Variants in MCU observed in about 807,000 individuals in gnomAD.
MCU encodes mitochondrial calcium uniporter.
MCU carries 12 observed loss-of-function variants against 45.2 expected under a neutral mutation model. That is an observed-to-expected ratio of 0.27 (90% confidence interval 0.17 to 0.43). The LOEUF is 0.43. MCU is among the 20% of genes least tolerant of loss of function. MCU has a pLI of 1.00. For missense variants in MCU, 324 were observed against 436.7 expected (o/e 0.74, Z 2.30); for synonymous variants, 160 against 165.1 (o/e 0.97, Z 0.24).
chr10:72,811,554 A>G (rs142264265), intron 1 of MCU, among the ~76,000 whole-genome samples: 11 of 152,290 alleles, frequency 7.2e-5, no homozygotes, highest in Non-Finnish European at 8.8e-5. Flanking sequence ...CAGCTACTCA[A>G]TCTCTCTTTG....
At chr10:72,802,620 C>T (rs989490454) in intron 1 of MCU, among the ~76,000 whole-genome samples, 2 of 152,154 alleles carry the variant, frequency 1.3e-5, no homozygotes, top group African/African-American at 4.8e-5. Context: ...CAGAGCCTGC[C>T]TTGCTGAAAT....
chr10:72,859,153 T>A, intron 2 of MCU, 24 bp from the exon 3 acceptor site: 1 of 1,539,708 alleles, frequency 6.5e-7, no homozygotes, highest in Non-Finnish European at 8.8e-7. Context: ...AATTATCATA[T>A]GTTTGTGGGT....
Position 72,862,584 on chromosome 10 carries a change from C to T in MCU, c.496+2057C>T, listed in dbSNP as rs114321747. On this transcript the variant is annotated intron_variant, in intron 4 of 7. Coordinates refer to ENST00000373053, the MANE Select transcript of MCU (RefSeq NM_138357.3). ...GCACAATTTACAATAGGGTTTGTGC[C>T]CTATGAGATCTAATGCTGCTGCTGA... Among the ~76,000 whole-genome samples, 906 of 152,198 alleles carry T rather than the reference C, an allele frequency of 6.0e-3. 12 individuals carry two copies. The highest frequency in any genetic ancestry group is 0.021 in the African/African-American group (854 of 41,524).
chr10:72,692,868 C>T (rs1564530329), intron 1 of MCU: 4 of 1,443,036 alleles, frequency 2.8e-6, no homozygotes, highest in Admixed American at 5.4e-5. Flanking sequence ...ACTTTATTCC[C>T]CTCTGTGACT....
At chr10:72,788,664 G>A (rs550908849) in intron 1 of MCU, among the ~76,000 whole-genome samples, 1 of 152,274 alleles carries the variant, frequency 6.6e-6, no homozygotes, top group South Asian at 2.1e-4. Flanking sequence ...CCACAAACTA[G>A]TGATGAGTAA....
Position 72,886,082 on chromosome 10 carries a change from A to G in MCU, c.*260A>G, listed in dbSNP as rs1470745089. The G allele has an allele frequency of 1.4e-5, 5 of 369,296 alleles. No homozygotes were observed. The South Asian group carries it at 1.8e-4, about 13-fold the overall frequency. 22.9% of individuals were successfully genotyped at this position (369,296 alleles called of 1,614,324 possible). On this transcript the variant is annotated 3_prime_UTR_variant, in exon 8 of 8. Transcript: ENST00000373053. ...TTCTGGATGAAAATGATGCAGTTAT[A>G]TAGTTGAGAGATTCATAAAGAGAAA...
intron 4 of MCU, among the ~76,000 whole-genome samples, chr10:72,867,330 CAG>C: frequency 6.6e-6 from 1 of 152,084 alleles, no homozygotes; most frequent in Middle Eastern, 3.4e-3. Flanking sequence ...CTTTAATCAG[CAG>C]AGTTTTTATT....
At chr10:72,769,420 AT>A (rs1177825522) in intron 1 of MCU, among the ~76,000 whole-genome samples, 1 of 152,116 alleles carries the variant, frequency 6.6e-6, no homozygotes, top group Non-Finnish European at 1.5e-5. Flanking sequence ...AGGTTTTAAT[AT>A]TGATGAAACA....
At chr10:72,871,336 G>T in intron 5 of MCU, 41 bp from the exon 6 acceptor site, 1 of 1,594,062 alleles carries the variant, frequency 6.3e-7, no homozygotes, top group Non-Finnish European at 8.6e-7. Flanking sequence ...TTTTAGATTG[G>T]TTTTATGTCA....
chr10:72,776,099 T>TC (rs1308614698), intron 1 of MCU, among the ~76,000 whole-genome samples: 2 of 151,962 alleles, frequency 1.3e-5, no homozygotes, highest in African/African-American at 4.8e-5. Flanking sequence ...GCCCAGGAGT[T>TC]TGAAGCTGCA....
chr10:72,693,121 G>T lies in MCU; in HGVS notation c.150+820G>T, dbSNP rs191595355. ...TGGTTGTATTAACCAGTTGTTGCTGGGTTTCATTGGCTGGCAGAAAAAGAG... is the reference window on the plus strand; with the variant it reads ...TGGTTGTATTAACCAGTTGTTGCTGTGTTTCATTGGCTGGCAGAAAAAGAG... On this transcript the variant is annotated intron_variant, in intron 1 of 7. Coordinates refer to ENST00000373053, the MANE Select transcript of MCU (RefSeq NM_138357.3). 70 of 1,513,510 alleles carry T rather than the reference G, an allele frequency of 4.6e-5. No homozygotes were observed. In the Admixed American group the frequency reaches 6.5e-4, roughly 14 times the overall value. 93.8% of individuals were successfully genotyped at this position (1,513,510 alleles called of 1,614,324 possible). A position where few individuals can be genotyped will look rare whatever the true frequency, so the allele number is the denominator to read the frequency against.
intron 1 of MCU, among the ~76,000 whole-genome samples, chr10:72,784,547 A>T (rs1231168272): frequency 6.6e-6 from 1 of 152,246 alleles, no homozygotes; most frequent in Non-Finnish European, 1.5e-5. Context: ...AGAAAGTTCC[A>T]CAAAGCAGTT....
intron 1 of MCU, among the ~76,000 whole-genome samples, chr10:72,717,130 T>C (rs1339332053): frequency 4.1e-5 from 6 of 147,640 alleles, no homozygotes; most frequent in African/African-American, 7.4e-5. Context: ...TCTCTCTCTT[T>C]TTTTTTTTTT....
chr10:72,711,785 C>A (rs1842898200), intron 1 of MCU, among the ~76,000 whole-genome samples: 1 of 143,666 alleles, frequency 7.0e-6, no homozygotes, highest in Non-Finnish European at 1.5e-5. Context: ...AATCTCCATT[C>A]ACTGTAAGCT....
chr10:72,810,116 G>A (rs1844516981), intron 1 of MCU, among the ~76,000 whole-genome samples: 1 of 152,032 alleles, frequency 6.6e-6, no homozygotes, highest in Non-Finnish European at 1.5e-5. Flanking sequence ...ATTGAAGTTG[G>A]AGACATTAAA....
intron 2 of MCU, among the ~76,000 whole-genome samples, chr10:72,850,925 C>T (rs1341793745): frequency 6.6e-6 from 1 of 152,180 alleles, no homozygotes; most frequent in Non-Finnish European, 1.5e-5. Flanking sequence ...GTAATAGTAG[C>T]TGACAACTGT....
chr10:72,692,172 A>G lies in MCU; in HGVS notation c.21A>G (p.Arg7=), dbSNP rs532068274. The change falls in exon 1 of 8, where the codon AGA becomes AGG. Residue 7 remains arginine (R), a synonymous_variant. Coordinates refer to ENST00000373053, the MANE Select transcript of MCU (RefSeq NM_138357.3). ...GAGAGATGGCGGCCGCCGCAGGTAG[A>G]TCGCTCCTGCTGCTCCTCTCCTCTC... The part of the protein sequence containing the change: MAAAAG[R]SLLLLLSSRG... The G allele has an allele frequency of 1.0e-5, 13 of 1,287,842 alleles. No homozygotes were observed. Among genetic ancestry groups the G allele is most frequent in the South Asian group, 7.2e-5 (2 of 27,824 alleles). 79.8% of individuals were successfully genotyped at this position (1,287,842 alleles called of 1,614,324 possible). A position where few individuals can be genotyped will look rare whatever the true frequency, so the allele number is the denominator to read the frequency against.
At chr10:72,710,211 C>T (rs932323625) in intron 1 of MCU, among the ~76,000 whole-genome samples, 5 of 152,192 alleles carry the variant, frequency 3.3e-5, no homozygotes, top group African/African-American at 1.2e-4. Flanking sequence ...CTCCTGACCT[C>T]GTGATCTGCC....
chr10:72,874,473 A>G (rs1845590730), intron 6 of MCU, among the ~76,000 whole-genome samples: 1 of 152,218 alleles, frequency 6.6e-6, no homozygotes, highest in African/African-American at 2.4e-5. Flanking sequence ...CATATTTAAT[A>G]TGGCTGCTAT....
Sources: gnomAD v4.1 joint callset for allele counts (sites outside exome capture counted in the v4.1 genomes callset) on GRCh38, gnomAD v4.1.1 for gene constraint, MANE v1.5 for transcripts, NCBI Gene and HGNC (gene_info 2026-07-23, HGNC 2026-07-21) for gene names.